Variants in KCNH1 observed in about 807,000 individuals in gnomAD.
The protein encoded by KCNH1 is potassium voltage-gated channel subfamily H member 1, also known as voltage-gated delayed rectifier potassium channel KCNH1.
KCNH1 carries 27 observed loss-of-function variants against 69.2 expected under a neutral mutation model. The ratio of observed to expected loss-of-function variants is 0.39; its 90% CI spans 0.29 to 0.54. The LOEUF (loss-of-function observed/expected upper bound fraction) is 0.54. Ranked by LOEUF, KCNH1 falls within the 20% of genes least tolerant of loss-of-function variation. The pLI, the probability that KCNH1 is intolerant of heterozygous loss-of-function variation, is 0.68. For missense variants in KCNH1, 798 were observed against 1,261.6 expected (o/e 0.63, Z 5.57); for synonymous variants, 456 against 487.7 (o/e 0.93, Z 0.86).
chr1:210,947,571 T>C (rs1687983822), intron 6 of KCNH1, among the ~76,000 whole-genome samples: 1 of 144,970 alleles, frequency 6.9e-6, no homozygotes, highest in Non-Finnish European at 1.5e-5. Flanking sequence ...CAAGACTCTG[T>C]CTCAAAAAAA....
intron 5 of KCNH1, among the ~76,000 whole-genome samples, chr1:211,035,284 T>C (rs1052816036): frequency 7.9e-6 from 1 of 126,422 alleles, no homozygotes; most frequent in African/African-American, 3.0e-5. Context: ...AGTCTCGCTC[T>C]GTCGCCCAGG....
chr1:210,979,975 A>G (rs2102376268), intron 6 of KCNH1, among the ~76,000 whole-genome samples: 1 of 152,348 alleles, frequency 6.6e-6, no homozygotes, highest in Non-Finnish European at 1.5e-5. Context: ...TAACACCAAG[A>G]TGTTGTGGAC....
chr1:210,741,402 T>G (rs1219727565), intron 10 of KCNH1, among the ~76,000 whole-genome samples: 1 of 152,064 alleles, frequency 6.6e-6, no homozygotes, highest in Non-Finnish European at 1.5e-5. Flanking sequence ...AAACCATTCC[T>G]CCGTGGCAGT....
At chr1:210,751,284 G>A (rs1683278780) in intron 10 of KCNH1, among the ~76,000 whole-genome samples, 1 of 152,220 alleles carries the variant, frequency 6.6e-6, no homozygotes, top group East Asian at 1.9e-4. Context: ...TCACATTGAT[G>A]AGGCTGCATT....
At chr1:210,769,343 T>C (rs1683706602) in intron 10 of KCNH1, among the ~76,000 whole-genome samples, 1 of 152,198 alleles carries the variant, frequency 6.6e-6, no homozygotes. Context: ...AAATGCTCTT[T>C]GGTTAAAGTG....
intron 1 of KCNH1, among the ~76,000 whole-genome samples, chr1:211,127,700 G>A: frequency 6.6e-6 from 1 of 152,150 alleles, no homozygotes; most frequent in East Asian, 1.9e-4. Flanking sequence ...AAAGACAAAA[G>A]AAGAAAATAC....
intron 9 of KCNH1, among the ~76,000 whole-genome samples, chr1:210,796,167 A>G (rs1054881187): frequency 1.3e-5 from 2 of 151,608 alleles, no homozygotes; most frequent in Non-Finnish European, 2.9e-5. Context: ...AAAAAAAAAA[A>G]AATTATCATC....
In KCNH1 at chr1:210,824,985, C is replaced by A. The variant is rs186645745; in HGVS notation, c.1463-20819G>T. On this transcript the variant is annotated intron_variant, in intron 7 of 10. Coordinates refer to ENST00000271751, the MANE Select transcript of KCNH1 (RefSeq NM_172362.3). Reference sequence around the variant, plus strand: ...TAAAATCACCAATCTTATAAAAAGTCTTTTTATTGGAAACTATTGAACTCA... The same window carrying A: ...TAAAATCACCAATCTTATAAAAAGTATTTTTATTGGAAACTATTGAACTCA... 3.0e-3 allele frequency among the ~76,000 whole-genome samples: 461 copies of A among 152,196 alleles called. 1 individual carries two copies. The highest frequency in any genetic ancestry group is 6.8e-3 in the Middle Eastern group (2 of 294).
chr1:210,827,764 C>G (rs556550200), intron 7 of KCNH1, among the ~76,000 whole-genome samples: 13 of 152,260 alleles, frequency 8.5e-5, no homozygotes, highest in African/African-American at 2.6e-4. Context: ...GATTCACAAA[C>G]CAGCTCCAAT....
intron 10 of KCNH1, among the ~76,000 whole-genome samples, chr1:210,711,787 C>T (rs1019385002): frequency 2.0e-5 from 3 of 152,244 alleles, no homozygotes; most frequent in Non-Finnish European, 4.4e-5. Context: ...TGCTCACACT[C>T]TATCCCTGGG....
chr1:210,861,086 A>C (rs1685968608), intron 7 of KCNH1: 1 of 900,066 alleles, frequency 1.1e-6, no homozygotes, highest in African/African-American at 1.6e-5. Context: ...ATGGGCTGTA[A>C]ACAAAAGCTT....
At chr1:211,056,251 A>T (rs899003139) in intron 5 of KCNH1, among the ~76,000 whole-genome samples, 2 of 152,240 alleles carry the variant, frequency 1.3e-5, no homozygotes. Context: ...TTGAGTGAAC[A>T]TCGGCAGTAG....
intron 7 of KCNH1, chr1:210,859,414 T>A (rs61848964): frequency 0.025 from 40,053 of 1,602,398 alleles, 620 homozygotes; most frequent in Non-Finnish European, 0.03. Context: ...AAATACCTGA[T>A]ACTCATCAAC....
intron 10 of KCNH1, among the ~76,000 whole-genome samples, chr1:210,736,540 T>A (rs1420394464): frequency 4.1e-4 from 62 of 149,770 alleles, no homozygotes; most frequent in Non-Finnish European, 7.6e-4. Context: ...TGAAACTCCA[T>A]CCCCCCTCCA....
chr1:211,077,867 T>C (rs1690766176), intron 5 of KCNH1, among the ~76,000 whole-genome samples: 1 of 151,512 alleles, frequency 6.6e-6, no homozygotes, highest in Non-Finnish European at 1.5e-5. Context: ...GAGACCCATC[T>C]CACATGCAGA....
At chr1:210,815,154 G>A (rs553286113) in intron 7 of KCNH1, among the ~76,000 whole-genome samples, 6 of 152,290 alleles carry the variant, frequency 3.9e-5, no homozygotes, top group South Asian at 2.1e-4. Context: ...GGGTGAGACC[G>A]AGAAATTTGT....
chr1:210,983,550 T>C (rs1688759610), intron 6 of KCNH1, among the ~76,000 whole-genome samples: 1 of 152,246 alleles, frequency 6.6e-6, no homozygotes, highest in African/African-American at 2.4e-5. Context: ...TTTCTTCTTT[T>C]TTGTCAGGTT....
At chr1:210,907,922 G>T (rs190041792) in intron 7 of KCNH1, among the ~76,000 whole-genome samples, 4 of 152,316 alleles carry the variant, frequency 2.6e-5, no homozygotes, top group Admixed American at 6.5e-5. Context: ...GTCAGCAACA[G>T]AAAAAGAAAC....
rs1268445315 is a variant in KCNH1, at chr1:210,980,903, G to A, written c.1032+37880C>T. On this transcript the variant is annotated intron_variant, in intron 6 of 10. Coordinates refer to ENST00000271751, the MANE Select transcript of KCNH1 (RefSeq NM_172362.3). ...TCTCTACCTACATTTTACATATAATGATACTGAGGCTTAGTTACAGACATT... is the reference window on the plus strand; with the variant it reads ...TCTCTACCTACATTTTACATATAATAATACTGAGGCTTAGTTACAGACATT... Among the ~76,000 whole-genome samples, 5 of 151,938 alleles carry A rather than the reference G, an allele frequency of 3.3e-5. No individual in the cohort carries two copies. The East Asian group carries it at 9.6e-4, about 29-fold the overall frequency.
Sources: gnomAD v4.1 joint callset for allele counts (sites outside exome capture counted in the v4.1 genomes callset) on GRCh38, gnomAD v4.1.1 for gene constraint, MANE v1.5 for transcripts, NCBI Gene and HGNC (gene_info 2026-07-23, HGNC 2026-07-21) for gene names.